Variants in RPS6KC1 observed in about 807,000 individuals in gnomAD.
RPS6KC1 encodes the protein ribosomal protein S6 kinase C1.
A neutral mutation model predicts 103.8 loss-of-function variants in RPS6KC1; 54 were observed. The observed-to-expected ratio is 0.52, with a 90% CI of 0.42 to 0.65. The LOEUF is 0.65. Ranked by LOEUF, RPS6KC1 falls within the 30% of genes least tolerant of loss-of-function variation. The pLI is 0.00. For synonymous variants in RPS6KC1, 439 were observed against 438.7 expected, an observed-to-expected ratio of 1.00 and a Z score of -0.01; for missense variants, 1,151 against 1,253.8, an observed-to-expected ratio of 0.92 and a Z score of 1.24.
chr1:213,759,282 A>C, the RPS6KC1 span, among the ~76,000 whole-genome samples: 1 of 152,214 alleles, frequency 6.6e-6, no homozygotes, highest in African/African-American at 2.4e-5. Flanking sequence ...CCTTAGCCAT[A>C]ATGCTATTGC....
the RPS6KC1 span, among the ~76,000 whole-genome samples, chr1:213,471,465 A>G: frequency 6.6e-6 from 1 of 152,224 alleles, no homozygotes; most frequent in Non-Finnish European, 1.5e-5. Flanking sequence ...ACCAGTAGCC[A>G]GTTGGGGTTG....
the RPS6KC1 span, among the ~76,000 whole-genome samples, chr1:213,693,816 T>A: frequency 3.3e-5 from 5 of 152,306 alleles, no homozygotes; most frequent in African/African-American, 1.2e-4. Context: ...AAACAGTCAA[T>A]AATATATTTA....
chr1:213,842,906 T>G, the RPS6KC1 span, among the ~76,000 whole-genome samples: 1 of 152,212 alleles, frequency 6.6e-6, no homozygotes, highest in African/African-American at 2.4e-5. Flanking sequence ...CTGTATTAGA[T>G]TAGTCAGGGT....
the RPS6KC1 span, among the ~76,000 whole-genome samples, chr1:213,777,956 A>G: frequency 1.3e-5 from 2 of 152,134 alleles, no homozygotes; most frequent in Non-Finnish European, 2.9e-5. Context: ...CATTATTGCC[A>G]TCTTTATTCC....
chr1:213,279,709 C>A (rs2095118969), downstream of RPS6KC1, among the ~76,000 whole-genome samples: 2 of 152,114 alleles, frequency 1.3e-5, no homozygotes, highest in South Asian at 4.1e-4. Context: ...AAAAGTGGTC[C>A]CCAATCTGGG....
At chr1:213,490,534 C>G in the RPS6KC1 span, among the ~76,000 whole-genome samples, 10 of 152,098 alleles carry the variant, frequency 6.6e-5, no homozygotes, top group South Asian at 2.1e-4. Flanking sequence ...ACCTGGGTGT[C>G]GGACAATGGT....
chr1:213,236,708 T>C lies in RPS6KC1; in HGVS notation c.1226-3994T>C, dbSNP rs997358958. ...TACTTGGTATTTAGAAGGTGCTCAG[T>C]GTATAATTGTTGAATACTGGGTCAG... is the stretch of plus-strand genomic sequence containing the variant. On this transcript the variant is annotated intron_variant, in intron 10 of 14. Transcript: ENST00000366960. Among the ~76,000 whole-genome samples the C allele has an allele frequency of 2.6e-5, 4 of 152,148 alleles. No homozygotes were observed. The South Asian group carries it at 6.2e-4, about 24-fold the overall frequency.
the RPS6KC1 span, among the ~76,000 whole-genome samples, chr1:213,694,416 G>A: frequency 6.6e-6 from 1 of 152,166 alleles, no homozygotes; most frequent in Non-Finnish European, 1.5e-5. Context: ...AATAAGAGAT[G>A]CCAATATTCT....
At chr1:213,733,505 G>A in the RPS6KC1 span, among the ~76,000 whole-genome samples, 1 of 150,768 alleles carries the variant, frequency 6.6e-6, no homozygotes, top group Non-Finnish European at 1.5e-5. Flanking sequence ...CCAAAGTGAT[G>A]GGATTGCAGG....
chr1:213,758,351 G>A, the RPS6KC1 span, among the ~76,000 whole-genome samples: 1 of 152,276 alleles, frequency 6.6e-6, no homozygotes, highest in African/African-American at 2.4e-5. Flanking sequence ...GCTGAGAAGG[G>A]AAGATCACCT....
chr1:213,386,004 T>C, the RPS6KC1 span, among the ~76,000 whole-genome samples: 1 of 152,200 alleles, frequency 6.6e-6, no homozygotes, highest in African/African-American at 2.4e-5. Flanking sequence ...CTAAACCTCA[T>C]GTTGAAGTTT....
the RPS6KC1 span, among the ~76,000 whole-genome samples, chr1:213,560,783 A>G: frequency 6.6e-6 from 1 of 152,174 alleles, no homozygotes; most frequent in African/African-American, 2.4e-5. Flanking sequence ...TAAAGGGCCC[A>G]GATGGATGTG....
At chr1:213,257,657 A>G (rs1462237275) in intron 12 of RPS6KC1, among the ~76,000 whole-genome samples, 5 of 152,182 alleles carry the variant, frequency 3.3e-5, no homozygotes, top group Non-Finnish European at 7.3e-5. Context: ...TATTGCTGCT[A>G]TCATTATTGC....
At chr1:213,658,683 A>G in the RPS6KC1 span, among the ~76,000 whole-genome samples, 1 of 152,236 alleles carries the variant, frequency 6.6e-6, no homozygotes, top group East Asian at 1.9e-4. Context: ...ATCAAACGTT[A>G]TTCTGGATTG....
At chr1:213,631,110 AC>A in the RPS6KC1 span, among the ~76,000 whole-genome samples, 1 of 152,028 alleles carries the variant, frequency 6.6e-6, no homozygotes, top group Non-Finnish European at 1.5e-5. Context: ...GCCATCTGTC[AC>A]CCCTTTCTTT....
At chr1:213,094,646 T>C (rs1242497098) in intron 3 of RPS6KC1, among the ~76,000 whole-genome samples, 1 of 152,222 alleles carries the variant, frequency 6.6e-6, no homozygotes, top group Non-Finnish European at 1.5e-5. Flanking sequence ...AGCTAAGAAC[T>C]GGCCAGGCAC....
At chr1:213,641,450 G>A in the RPS6KC1 span, among the ~76,000 whole-genome samples, 5 of 151,914 alleles carry the variant, frequency 3.3e-5, no homozygotes, top group East Asian at 1.9e-4. Context: ...CCGAAGTTTC[G>A]ATCTGCCTTC....
chr1:213,607,944 C>T, the RPS6KC1 span, among the ~76,000 whole-genome samples: 3 of 152,124 alleles, frequency 2.0e-5, no homozygotes, highest in Non-Finnish European at 2.9e-5. Flanking sequence ...ATCCATGGAT[C>T]GTGGTGGGCT....
the RPS6KC1 span, among the ~76,000 whole-genome samples, chr1:213,434,975 TTTCTGCCTCCTC>T: frequency 6.6e-6 from 1 of 152,322 alleles, no homozygotes; most frequent in East Asian, 1.9e-4. Context: ...AATTTTTCTC[TTTCTGCCTCCTC>T]TTCTTTGATG....
Sources: allele counts gnomAD v4.1 joint callset (sites outside exome capture counted in the v4.1 genomes callset), GRCh38; gene constraint gnomAD v4.1.1; transcripts MANE v1.5; gene names NCBI Gene and HGNC (gene_info 2026-07-23, HGNC 2026-07-21).